Variants in SEM1 observed in about 807,000 individuals in gnomAD.
SEM1 encodes SEM1 26S proteasome subunit.
SEM1 carries 3 observed loss-of-function variants against 12.7 expected under a neutral mutation model. That is an observed-to-expected ratio of 0.24 (90% CI 0.11 to 0.61). The LOEUF (loss-of-function observed/expected upper bound fraction) is 0.61, where lower values mean the gene tolerates loss of function less well. SEM1 is among the 20% of genes least tolerant of loss of function. The probability of loss-of-function intolerance (pLI) is 0.88; values close to 1 mark genes in which losing one functional copy is unlikely to be tolerated. For synonymous variants in SEM1, 30 were observed against 27.8 expected, an observed-to-expected ratio of 1.08 and a Z score of -0.25; for missense variants, 59 against 81.3, an observed-to-expected ratio of 0.73 and a Z score of 1.06.
intron 2 of SEM1, among the ~76,000 whole-genome samples, chr7:96,590,218 G>A (rs1806785689): frequency 6.6e-6 from 1 of 152,104 alleles, no homozygotes; most frequent in Admixed American, 6.5e-5. Context: ...ATAAAATACA[G>A]AGTGCCTACT....
chr7:96,545,053 A>G (rs886578767), intron 2 of SEM1, among the ~76,000 whole-genome samples: 1 of 151,994 alleles, frequency 6.6e-6, no homozygotes, highest in Non-Finnish European at 1.5e-5. Flanking sequence ...ATAACTTACC[A>G]TTGGCTCATT....
chr7:96,509,429 A>G (rs910054428), intron 2 of SEM1, among the ~76,000 whole-genome samples: 2 of 152,134 alleles, frequency 1.3e-5, no homozygotes, highest in African/African-American at 4.8e-5. Flanking sequence ...AGGACTGATT[A>G]TCAGAATTAG....
chr7:96,647,818 A>G (rs1434507363), intron 2 of SEM1, among the ~76,000 whole-genome samples: 1 of 152,222 alleles, frequency 6.6e-6, no homozygotes, highest in Admixed American at 6.5e-5. Flanking sequence ...GGAGAGCAGG[A>G]AGCTCACGTT....
intron 2 of SEM1, among the ~76,000 whole-genome samples, chr7:96,539,875 T>C (rs1804894970): frequency 1.3e-5 from 2 of 151,534 alleles, no homozygotes; most frequent in African/African-American, 4.8e-5. Flanking sequence ...ATTAAAATAA[T>C]TTTATAATAT....
chr7:96,547,090 G>A (rs1805124479), intron 2 of SEM1, among the ~76,000 whole-genome samples: 1 of 152,084 alleles, frequency 6.6e-6, no homozygotes, highest in African/African-American at 2.4e-5. Context: ...GTTTGTTATT[G>A]AGACAGCAAT....
chr7:96,591,842 A>G (rs569940235), intron 2 of SEM1, among the ~76,000 whole-genome samples: 27 of 151,054 alleles, frequency 1.8e-4, no homozygotes, highest in African/African-American at 5.1e-4. Flanking sequence ...TCAAAACAAC[A>G]GACATTTGCT....
chr7:96,543,707 G>T (rs7792972), intron 2 of SEM1, among the ~76,000 whole-genome samples: 93,170 of 151,772 alleles, frequency 0.61, 29,347 homozygotes, highest in Non-Finnish European at 0.69. Flanking sequence ...GTTTCTGTTC[G>T]GTTTTTTAGA....
At chr7:96,701,337 G>T (rs531019928) in intron 1 of SEM1, among the ~76,000 whole-genome samples, 9 of 152,110 alleles carry the variant, frequency 5.9e-5, no homozygotes, top group African/African-American at 2.2e-4. Context: ...CTTGCGGGTA[G>T]GGCTCCCATG....
chr7:96,556,616 C>A (rs940979739), intron 2 of SEM1, among the ~76,000 whole-genome samples: 5 of 147,846 alleles, frequency 3.4e-5, no homozygotes, highest in African/African-American at 1.2e-4. Context: ...CTCTGGCTGC[C>A]CTTAACATTT....
At chr7:96,491,305 C>A (rs1327775486) in intron 1 of SEM1, among the ~76,000 whole-genome samples, 1 of 152,020 alleles carries the variant, frequency 6.6e-6, no homozygotes, top group Non-Finnish European at 1.5e-5. Flanking sequence ...TCTTTCTAAC[C>A]ACACGCTAAT....
At chr7:96,515,687 T>C (rs1804072025) in intron 2 of SEM1, among the ~76,000 whole-genome samples, 1 of 152,182 alleles carries the variant, frequency 6.6e-6, no homozygotes, top group South Asian at 2.1e-4. Context: ...CATGGAATAC[T>C]ATGCAGCCAT....
intron 2 of SEM1, among the ~76,000 whole-genome samples, chr7:96,575,039 A>C (rs1806160634): frequency 6.6e-6 from 1 of 151,900 alleles, no homozygotes; most frequent in Non-Finnish European, 1.5e-5. Flanking sequence ...GGTGGAGAAG[A>C]GTTGTTCTGG....
intron 1 of SEM1, among the ~76,000 whole-genome samples, chr7:96,698,745 T>A (rs1232637443): frequency 6.6e-6 from 1 of 152,174 alleles, no homozygotes; most frequent in Non-Finnish European, 1.5e-5. Flanking sequence ...TGCGTCTTTA[T>A]AGTAGAATGA....
At chr7:96,709,597 G>T in intron 1 of SEM1, 91 bp downstream of exon 1, 1 of 1,214,462 alleles carries the variant, frequency 8.2e-7, no homozygotes, top group Non-Finnish European at 1.2e-6. Context: ...TCCCGCCGGT[G>T]CCCCCAGCTG....
At chr7:96,701,134 T>C (rs1790260219) in intron 1 of SEM1, among the ~76,000 whole-genome samples, 1 of 151,914 alleles carries the variant, frequency 6.6e-6, no homozygotes, top group Non-Finnish European at 1.5e-5. Context: ...CTAAGTACAT[T>C]AGAGGGGAGA....
intron 2 of SEM1, among the ~76,000 whole-genome samples, chr7:96,636,394 A>G (rs1475277184): frequency 6.6e-6 from 1 of 151,994 alleles, no homozygotes; most frequent in Non-Finnish European, 1.5e-5. Flanking sequence ...GTAAGGCAGA[A>G]TCTGTACCTT....
intron 2 of SEM1, among the ~76,000 whole-genome samples, chr7:96,515,921 A>G (rs1312468631): frequency 6.6e-6 from 1 of 152,150 alleles, no homozygotes; most frequent in African/African-American, 2.4e-5. Context: ...GAAATACCTA[A>G]TGTAAATGAT....
intron 2 of SEM1, among the ~76,000 whole-genome samples, chr7:96,659,608 C>T (rs1302930673): frequency 6.6e-6 from 1 of 151,962 alleles, no homozygotes; most frequent in Admixed American, 6.6e-5. Context: ...TAATCTCAAA[C>T]CTGATGTCTT....
At chr7:96,549,139 C>G (rs778856655) in intron 2 of SEM1, among the ~76,000 whole-genome samples, 9 of 152,118 alleles carry the variant, frequency 5.9e-5, no homozygotes, top group Non-Finnish European at 1.3e-4. Flanking sequence ...GAATACTATC[C>G]CACATATGCT....
Sources: allele counts gnomAD v4.1 joint callset (sites outside exome capture counted in the v4.1 genomes callset), GRCh38; gene constraint gnomAD v4.1.1; transcripts MANE v1.5; gene names NCBI Gene and HGNC (gene_info 2026-07-23, HGNC 2026-07-21).